TFR2: variants seen among roughly 807,000 people sequenced by gnomAD.
The protein encoded by TFR2 is transferrin receptor 2.
TFR2 carries 64 observed loss-of-function variants against 91.9 expected under a neutral mutation model. That is an observed-to-expected ratio of 0.70 (90% CI 0.57 to 0.86). The LOEUF (loss-of-function observed/expected upper bound fraction) is 0.86, where lower values mean the gene tolerates loss of function less well. Ranked by LOEUF, TFR2 falls within the 40% of genes least tolerant of loss-of-function variation. The pLI, the probability that TFR2 is intolerant of heterozygous loss-of-function variation, is 0.00. For synonymous variants in TFR2, 454 were observed against 459.6 expected (o/e 0.99, Z 0.15); for missense variants, 950 against 1,080.5 (o/e 0.88, Z 1.69).
At chr7:100,623,866 A>G (rs965990594) in intron 17 of TFR2, among the ~76,000 whole-genome samples, 1 of 135,282 alleles carries the variant, frequency 7.4e-6, no homozygotes, top group African/African-American at 2.9e-5. Flanking sequence ...CCTGGCCAAC[A>G]TGATGAAACC....
chr7:100,632,186 G>C lies in TFR2; in HGVS notation c.862C>G (p.Gln288Glu), dbSNP rs1398396879. 2 of 1,613,964 alleles carry C rather than the reference G, an allele frequency of 1.2e-6. No homozygotes were observed. Among genetic ancestry groups the C allele is most frequent in the East Asian group, 2.2e-5 (1 of 44,878 alleles). The change falls in exon 7 of 18, where the codon CAG (glutamine) becomes GAG (glutamate). Residue 288 changes from glutamine to glutamate, a missense_variant. Physicochemically the swap from Gln to Glu is conservative, Grantham distance 29. Coordinates refer to ENST00000223051, the MANE Select transcript of TFR2 (RefSeq NM_003227.4). The stretch of plus-strand genomic sequence containing the variant: ...AGCACTCCTTGAGCCCCGAAGTCCT[G>C]AGCATTGGTCACCTGGGGAGGAAGG... ...ISFAQKVTNA[Q>E]DFGAQGVLIY...
Position 100,627,455 on chromosome 7 carries a change from C to G in TFR2, c.1804G>C (p.Asp602His). ...ACCTTATGCAGGTTCTCATAAGTGTCCTCCTTTGTGTGCAGGAATGGGTAG... is the reference window on the plus strand; with the variant it reads ...ACCTTATGCAGGTTCTCATAAGTGTGCTCCTTTGTGTGCAGGAATGGGTAG... Reference protein sequence around the residue: ...QAYPFLHTKEDTYENLHKVLQ... With the variant: ...QAYPFLHTKEHTYENLHKVLQ... The change falls in exon 16 of 18, where the codon GAC becomes CAC. Residue 602 changes from aspartate to histidine, a missense_variant. Transcript: ENST00000223051. 1 of 1,602,484 alleles carries G rather than the reference C, an allele frequency of 6.2e-7. No homozygotes were observed. Among genetic ancestry groups the G allele is most frequent in the Non-Finnish European group, 8.5e-7 (1 of 1,174,772 alleles).
chr7:100,621,307 G>A (rs1803104748), intron 17 of TFR2, among the ~76,000 whole-genome samples, 181 bp from the exon 18 acceptor site: 1 of 152,220 alleles, frequency 6.6e-6, no homozygotes, highest in African/African-American at 2.4e-5. Context: ...AGGCTGGAGT[G>A]CAGTGGCACG....
chr7:100,632,812 C>T (rs1803486389), intron 6 of TFR2, 189 bp downstream of exon 6: 1 of 814,844 alleles, frequency 1.2e-6, no homozygotes, highest in East Asian at 2.6e-5. Context: ...CTCAAGCGAT[C>T]CTCCTGTCTT....
chr7:100,640,328 C>A, intron 3 of TFR2: 1 of 251,164 alleles, frequency 4.0e-6, no homozygotes, highest in South Asian at 8.1e-5. Flanking sequence ...CCCTAGAATG[C>A]GGCTTCTCAG....
At position 100,627,349 on chromosome 7, in the gene TFR2, C is replaced by T. The variant is rs763205379; in HGVS notation, c.1910G>A (p.Arg637His). ...GCGGCCGAAGTCGAGGGGCAGCAGG[C>T]GATCGTGGCTGAGCCGGATGAGGAG... ...GQLLIRLSHD[R>H]LLPLDFGRYG... Residue 637 changes from arginine (R) to histidine (H), a missense_variant, in exon 16 of 18, where the codon CGC (arginine) becomes CAC (histidine). Coordinates refer to ENST00000223051, the MANE Select transcript of TFR2 (RefSeq NM_003227.4). 3.1e-5 allele frequency: 48 copies of T among 1,551,566 alleles called. No individual in the cohort carries two copies. Among genetic ancestry groups the T allele is most frequent in the African/African-American group, 2.7e-4 (20 of 73,104 alleles).
Position 100,641,061 on chromosome 7 carries a change from C to T in TFR2, c.201G>A (p.Arg67=), listed in dbSNP as rs1338232824. The change falls in exon 2 of 18, where the codon AGG becomes AGA. Residue 67 remains arginine, a synonymous_variant. Transcript: ENST00000223051. ...CCGCCCAGGGAATGAGGTTTGGCTG[C>T]CTGGGTCTAGAGCCCAGGGGCTCAG... ...RGPEPLGSRP[R]QPNLIPWAAA... 2 of 1,603,764 alleles carry T rather than the reference C, an allele frequency of 1.2e-6. No individual in the cohort carries two copies. The highest frequency in any genetic ancestry group is 2.2e-5 in the East Asian group (1 of 44,658).
chr7:100,620,888 C>T lies in TFR2; in HGVS notation c.2375G>A (p.Gly792Glu). The change falls in exon 18 of 18, where the codon GGG (glycine) becomes GAG (glutamate). Residue 792 changes from glycine to glutamate, a missense_variant. Gly to Glu is a moderately conservative substitution (Grantham distance 98, BLOSUM62 -2). Coordinates refer to ENST00000223051, the MANE Select transcript of TFR2 (RefSeq NM_003227.4). ...TLQGAANALS[G>E]DVWNIDNNF is the part of the protein sequence containing the mutation. ...GTTGTTATCAATGTTCCAGACATCC[C>T]CGCTAAGCGCATTGGCTGCCCCTTG... is the stretch of plus-strand genomic sequence containing the variant. 6.2e-7 allele frequency: 1 copy of T among 1,614,062 alleles called. No homozygotes were observed. Among genetic ancestry groups the T allele is most frequent in the Non-Finnish European group, 8.5e-7 (1 of 1,179,896 alleles).
chr7:100,633,655 C>T, intron 3 of TFR2, 99 bp from the exon 4 acceptor site: 1 of 1,089,254 alleles, frequency 9.2e-7, no homozygotes, highest in South Asian at 2.2e-5. Context: ...GCAGGGGCGG[C>T]GAGGGGTTCC....
chr7:100,626,452 A>C, intron 17 of TFR2: 1 of 1,078,966 alleles, frequency 9.3e-7, no homozygotes, highest in Non-Finnish European at 1.2e-6. Flanking sequence ...AGGCAGTGGG[A>C]GCTATAGGAG....
At chr7:100,634,889 A>G (rs1424385847) in intron 3 of TFR2, among the ~76,000 whole-genome samples, 1 of 151,814 alleles carries the variant, frequency 6.6e-6, no homozygotes, top group Non-Finnish European at 1.5e-5. Context: ...CTAAATCAGG[A>G]TCCTGGTTAT....
At chr7:100,629,928 A>G (rs1026388561) in intron 9 of TFR2, among the ~76,000 whole-genome samples, 10 of 151,986 alleles carry the variant, frequency 6.6e-5, no homozygotes, top group African/African-American at 2.2e-4. Context: ...TTGTATTTTT[A>G]GTAGACAGGG....
rs1246851167 is a variant in TFR2, at chr7:100,628,065, C to A, written c.1537+8G>T. ...AGGGGGCCAGGTGGTGGCACTGCCC[C>A]AGCTCACCCAGCACTGCGTTGTCCA... On this transcript the variant is annotated splice_region_variant and intron_variant, in intron 12 of 17. Transcript: ENST00000223051. 6.2e-7 allele frequency: 1 copy of A among 1,614,154 alleles called. No homozygotes were observed. Among genetic ancestry groups the A allele is most frequent in the Non-Finnish European group, 8.5e-7 (1 of 1,180,004 alleles).
Position 100,633,355 on chromosome 7 carries a change from T to C in TFR2, c.615-15A>G. ...TGGGGTGAGCCCTGGGGAGCGGGGC[T>C]GGTGAGCGCCCCGAGCCGCGTCCCC... On this transcript the variant is annotated splice_polypyrimidine_tract_variant and intron_variant, in intron 4 of 17. Coordinates refer to ENST00000223051, the MANE Select transcript of TFR2 (RefSeq NM_003227.4). 1 of 1,610,106 alleles carries C rather than the reference T, an allele frequency of 6.2e-7. No individual in the cohort carries two copies. The highest frequency in any genetic ancestry group is 8.5e-7 in the Non-Finnish European group (1 of 1,178,180).
chr7:100,629,465 T>G, intron 9 of TFR2, 93 bp from the exon 10 acceptor site: 1 of 1,590,754 alleles, frequency 6.3e-7, no homozygotes, highest in Non-Finnish European at 8.6e-7. Context: ...CCCATCACAA[T>G]TCCGGCAACC....
chr7:100,638,065 G>A (rs1041537572), intron 3 of TFR2, among the ~76,000 whole-genome samples: 4 of 151,676 alleles, frequency 2.6e-5, no homozygotes, highest in Admixed American at 6.6e-5. Flanking sequence ...GTGCAGTGGC[G>A]CGATCTCGGT....
At chr7:100,629,024 A>G (rs1235772635) in intron 10 of TFR2, among the ~76,000 whole-genome samples, 1 of 152,164 alleles carries the variant, frequency 6.6e-6, no homozygotes, top group African/African-American at 2.4e-5. Flanking sequence ...CGGCCTCCCA[A>G]AGTGCTGGGA....
intron 9 of TFR2, 102 bp downstream of exon 9, chr7:100,630,787 T>A (rs1803408931): frequency 1.3e-6 from 2 of 1,542,692 alleles, no homozygotes; most frequent in African/African-American, 2.7e-5. Flanking sequence ...TCCTGTCCCC[T>A]CTTGGGGCCT....
At chr7:100,626,468 T>A in intron 17 of TFR2, 2 of 1,055,902 alleles carry the variant, frequency 1.9e-6, no homozygotes, top group South Asian at 2.2e-5. Context: ...AGGAGGGGAG[T>A]CAGCGGGGAG....
Sources: allele counts gnomAD v4.1 joint callset (sites outside exome capture counted in the v4.1 genomes callset), GRCh38; gene constraint gnomAD v4.1.1; transcripts MANE v1.5; gene names NCBI Gene and HGNC (gene_info 2026-07-23, HGNC 2026-07-21).